The following FMN2 variants were observed in gnomAD, a reference collection of about 807,000 sequenced individuals.
The protein encoded by FMN2 is formin 2.
Under a neutral mutation model 142.3 loss-of-function variants are expected in FMN2, and 51 were observed. That is an observed-to-expected ratio of 0.36 (90% CI 0.29 to 0.45). The LOEUF (loss-of-function observed/expected upper bound fraction) is 0.45, where lower values mean the gene tolerates loss of function less well. Among genes scored for constraint, FMN2 ranks in the 20% least tolerant of loss-of-function variants. The pLI, the probability that FMN2 is intolerant of heterozygous loss-of-function variation, is 1.00. For missense variants in FMN2, 1,936 were observed against 2,122.8 expected (o/e 0.91, Z 1.73); for synonymous variants, 882 against 869.8 (o/e 1.01, Z -0.25).
At chr1:240,214,290 G>A (rs1360122468) in intron 6 of FMN2, among the ~76,000 whole-genome samples, 2 of 151,898 alleles carry the variant, frequency 1.3e-5, no homozygotes, top group Non-Finnish European at 1.5e-5. Context: ...GGTGGCTCAC[G>A]CCTGTAATCC....
rs149381964 is a variant in FMN2, at chr1:240,347,231, G to C, written c.4766-8585G>C. On this transcript the variant is annotated intron_variant, in intron 13 of 17. Transcript: ENST00000319653. Reference sequence around the variant, plus strand: ...GGATGCTGAGGAAAATGTGGAAAGCGTATACCATCCGTACGGCCAGGGGAA... The same window carrying C: ...GGATGCTGAGGAAAATGTGGAAAGCCTATACCATCCGTACGGCCAGGGGAA... Among the ~76,000 whole-genome samples the C allele has an allele frequency of 5.9e-5, 9 of 152,318 alleles. No individual in the cohort carries two copies. The East Asian group carries it at 1.7e-3, about 29-fold the overall frequency.
At chr1:240,199,593 T>G (rs954133988) in intron 4 of FMN2, among the ~76,000 whole-genome samples, 1 of 152,202 alleles carries the variant, frequency 6.6e-6, no homozygotes, top group Admixed American at 6.5e-5. Flanking sequence ...TCAAACAATT[T>G]ATAAGAGCTA....
Position 240,093,408 on chromosome 1 carries a change from G to A in FMN2, c.1299G>A (p.Pro433=). ...AGCTCAGCTCGCCCAATCACTCCCC[G>A]TCTCAGTCCCCTAATCAGAGCCCCA... ...TRQLSSPNHS[P]SQSPNQSPRI... is the part of the protein sequence containing the mutation. Residue 433 remains proline, a synonymous_variant, in exon 1 of 18, where the codon CCG becomes CCA. Coordinates refer to ENST00000319653, the MANE Select transcript of FMN2 (RefSeq NM_020066.5). The A allele has an allele frequency of 6.2e-7, 1 of 1,613,520 alleles. No homozygotes were observed. Among genetic ancestry groups the A allele is most frequent in the Non-Finnish European group, 8.5e-7 (1 of 1,179,740 alleles).
intron 3 of FMN2, among the ~76,000 whole-genome samples, chr1:240,178,443 TC>T (rs1665016962): frequency 1.5e-5 from 2 of 134,426 alleles, no homozygotes; most frequent in African/African-American, 6.0e-5. Flanking sequence ...TTCTTCTTCT[TC>T]TTCTTTTTTT....
chr1:240,445,870 T>G (rs1289266352), intron 16 of FMN2, among the ~76,000 whole-genome samples: 1 of 152,004 alleles, frequency 6.6e-6, no homozygotes, highest in South Asian at 2.1e-4. Context: ...CAGACTGGGG[T>G]GAAGGCAGTA....
At chr1:240,110,576 G>A (rs1391130825) in intron 1 of FMN2, among the ~76,000 whole-genome samples, 1 of 152,138 alleles carries the variant, frequency 6.6e-6, no homozygotes, top group Non-Finnish European at 1.5e-5. Context: ...CTAGGCTTGT[G>A]AGTTTTGCTT....
chr1:240,419,288 G>A (rs1674686116), intron 15 of FMN2, among the ~76,000 whole-genome samples: 1 of 151,940 alleles, frequency 6.6e-6, no homozygotes, highest in Non-Finnish European at 1.5e-5. Flanking sequence ...TCTCTTTTCT[G>A]GTAATGCTTT....
In FMN2 at chr1:240,375,344, G is replaced by A. The variant is rs549118461; in HGVS notation, c.4859-17167G>A. 5.3e-5 allele frequency among the ~76,000 whole-genome samples: 8 copies of A among 152,118 alleles called. No homozygotes were observed. In the South Asian group the frequency reaches 6.2e-4, roughly 12 times the overall value. On this transcript the variant is annotated intron_variant, in intron 14 of 17. Coordinates refer to ENST00000319653, the MANE Select transcript of FMN2 (RefSeq NM_020066.5). ...TAGTCATTCGACTACAGTTGCTGCC[G>A]ATCTTCAATATGTAAAAAATAAAAA...
chr1:240,184,289 T>G (rs1665287003), intron 3 of FMN2, among the ~76,000 whole-genome samples: 1 of 129,132 alleles, frequency 7.7e-6, no homozygotes, highest in South Asian at 2.6e-4. Context: ...CAGGCTGGAG[T>G]GCAGTGGCGC....
At chr1:240,432,644 ACTTG>A (rs1675215077) in intron 15 of FMN2, among the ~76,000 whole-genome samples, 1 of 151,612 alleles carries the variant, frequency 6.6e-6, no homozygotes, top group African/African-American at 2.4e-5. Flanking sequence ...CTCTCTAAGT[ACTTG>A]CTTTATTTGT....
chr1:240,321,743 A>G (rs913411154), intron 8 of FMN2, among the ~76,000 whole-genome samples: 3 of 152,232 alleles, frequency 2.0e-5, no homozygotes, highest in Admixed American at 6.5e-5. Context: ...AAAAGCAGAT[A>G]CAGATTCCAG....
At chr1:240,168,206 T>C (rs936187197) in intron 2 of FMN2, among the ~76,000 whole-genome samples, 23 of 152,194 alleles carry the variant, frequency 1.5e-4, no homozygotes, top group African/African-American at 5.5e-4. Context: ...ACCCAGATAT[T>C]GTGAGTTCAA....
chr1:240,121,429 G>C (rs945520594), intron 1 of FMN2, among the ~76,000 whole-genome samples: 15 of 149,568 alleles, frequency 1.0e-4, no homozygotes, highest in African/African-American at 3.7e-4. Context: ...AGGCTGGAGT[G>C]CAGTGGCGCG....
chr1:240,300,264 C>CTATTATAGTAACTATAGAATATA, intron 8 of FMN2, among the ~76,000 whole-genome samples: 1 of 152,276 alleles, frequency 6.6e-6, no homozygotes, highest in South Asian at 2.1e-4. Context: ...ATAGAAGTTT[C>CTATTATAGTAACTATAGAATATA]ATATGATCTC....
intron 15 of FMN2, among the ~76,000 whole-genome samples, chr1:240,393,781 C>A (rs951850761): frequency 2.0e-5 from 3 of 152,186 alleles, no homozygotes; most frequent in Admixed American, 1.3e-4. Context: ...AAACAGCATT[C>A]TTGCTGCTAT....
chr1:240,142,176 A>G (rs1663213849), intron 2 of FMN2, among the ~76,000 whole-genome samples: 1 of 152,136 alleles, frequency 6.6e-6, no homozygotes, highest in Admixed American at 6.5e-5. Flanking sequence ...CTTCATTGTC[A>G]TCAGTGTTTT....
chr1:240,319,015 A>G (rs1028813209), intron 8 of FMN2, among the ~76,000 whole-genome samples: 9 of 152,188 alleles, frequency 5.9e-5, no homozygotes, highest in Admixed American at 5.9e-4. Flanking sequence ...ATGCAGGTGA[A>G]AAAGTTGAGA....
chr1:240,126,139 G>T (rs770311957), intron 2 of FMN2, among the ~76,000 whole-genome samples: 2 of 152,168 alleles, frequency 1.3e-5, no homozygotes, highest in Non-Finnish European at 1.5e-5. Context: ...TGGAGAGGGC[G>T]ACGATATAAT....
chr1:240,390,417 A>G (rs1673566567), intron 14 of FMN2, among the ~76,000 whole-genome samples: 1 of 152,208 alleles, frequency 6.6e-6, no homozygotes, highest in Admixed American at 6.5e-5. Context: ...AAACTTGCTC[A>G]CGCAACTAAG....
Sources: gnomAD v4.1 joint callset for allele counts (sites outside exome capture counted in the v4.1 genomes callset) on GRCh38, gnomAD v4.1.1 for gene constraint, MANE v1.5 for transcripts, NCBI Gene and HGNC (gene_info 2026-07-23, HGNC 2026-07-21) for gene names.